The following NSL1 variants were observed in gnomAD, a reference collection of about 807,000 sequenced individuals.
NSL1 encodes the protein kinetochore-associated protein NSL1 homolog.
Under a neutral mutation model 25.4 loss-of-function variants are expected in NSL1, and 11 were observed. The ratio of observed to expected loss-of-function variants is 0.43; its 90% CI spans 0.27 to 0.72. The LOEUF is 0.72. Among genes scored for constraint, NSL1 ranks in the 30% least tolerant of loss-of-function variants. The pLI is 0.19. For synonymous variants in NSL1, 118 were observed against 120.6 expected (o/e 0.98, Z 0.14); for missense variants, 330 against 342.7 (o/e 0.96, Z 0.29).
chr1:212,791,481 T>A, intron 1 of NSL1, 49 bp downstream of exon 1: 1 of 1,501,940 alleles, frequency 6.7e-7, no homozygotes, highest in Non-Finnish European at 9.2e-7. Flanking sequence ...AGATCCTGGG[T>A]GTTGGGTAAG....
chr1:212,768,433 G>A, intron 4 of NSL1, among the ~76,000 whole-genome samples: 1 of 150,968 alleles, frequency 6.6e-6, no homozygotes, highest in East Asian at 1.9e-4. Flanking sequence ...AAAGAGACAT[G>A]CACACACATG....
At chr1:212,766,479 T>C (rs569136521) in intron 4 of NSL1, among the ~76,000 whole-genome samples, 1 of 151,552 alleles carries the variant, frequency 6.6e-6, no homozygotes, top group African/African-American at 2.4e-5. Context: ...CTGTCTCTAC[T>C]AAATATACAA....
At chr1:212,749,772 C>T (rs183180924) in intron 4 of NSL1, among the ~76,000 whole-genome samples, 2 of 151,912 alleles carry the variant, frequency 1.3e-5, no homozygotes, top group East Asian at 1.9e-4. Flanking sequence ...TGTTTTCTAT[C>T]GGTTGCACAA....
At chr1:212,778,372 C>T (rs951987972) in intron 4 of NSL1, among the ~76,000 whole-genome samples, 11 of 152,146 alleles carry the variant, frequency 7.2e-5, no homozygotes, top group African/African-American at 2.7e-4. Context: ...ACAGACAACC[C>T]TCTTTAAAAG....
intron 4 of NSL1, among the ~76,000 whole-genome samples, chr1:212,763,839 C>T (rs188865236): frequency 2.6e-5 from 4 of 152,226 alleles, no homozygotes; most frequent in Non-Finnish European, 5.9e-5. Context: ...TAGTGTGGGA[C>T]TTCAATACTC....
chr1:212,741,188 T>C (rs140622061), intron 4 of NSL1, among the ~76,000 whole-genome samples: 1 of 152,194 alleles, frequency 6.6e-6, no homozygotes, highest in Non-Finnish European at 1.5e-5. Flanking sequence ...ATAACAATTG[T>C]TAAATTTTCT....
At chr1:212,788,577 A>AT (rs1280202682) in intron 1 of NSL1, among the ~76,000 whole-genome samples, 2 of 152,154 alleles carry the variant, frequency 1.3e-5, no homozygotes, top group Non-Finnish European at 2.9e-5. Context: ...CTTCATCAAA[A>AT]TTTTTTTTAA....
At chr1:212,764,352 C>T (rs1051544803) in intron 4 of NSL1, among the ~76,000 whole-genome samples, 3 of 152,218 alleles carry the variant, frequency 2.0e-5, no homozygotes, top group African/African-American at 7.2e-5. Context: ...TTTAATGTCA[C>T]ATCACAAAGA....
chr1:212,772,681 AAAG>A lies in NSL1; in HGVS notation c.499+9688_499+9690del, dbSNP rs559306122. 4.4e-4 allele frequency among the ~76,000 whole-genome samples: 65 copies of A among 147,690 alleles called. No homozygotes were observed. In the South Asian group the frequency reaches 0.013, roughly 29 times the overall value. On this transcript the variant is annotated intron_variant, in intron 4 of 5. Transcript: ENST00000366977. ...GACAGAGTGAGACATTGTCTCAAAA[AAAG>A]AAAAAAAGAAAGAAAGAAACCCTAA...
intron 4 of NSL1, among the ~76,000 whole-genome samples, chr1:212,752,944 A>C (rs1659135288): frequency 1.3e-5 from 2 of 151,220 alleles, no homozygotes; most frequent in Admixed American, 1.3e-4. Flanking sequence ...AATGTATTTT[A>C]TGAATATAAA....
At position 212,727,695 on chromosome 1, in the gene NSL1, A is replaced by C. The variant is rs994092710; in HGVS notation, c.*10713T>G. On this transcript the variant is annotated 3_prime_UTR_variant, in exon 6 of 6. Coordinates refer to ENST00000366977, the MANE Select transcript of NSL1 (RefSeq NM_015471.4). ...CAGGACTGTTAGCTTCCCACGATGAAAGAATGACTAGCTATGATGATTTAT... is the reference window on the plus strand; with the variant it reads ...CAGGACTGTTAGCTTCCCACGATGACAGAATGACTAGCTATGATGATTTAT... 3.0e-6 allele frequency: 3 copies of C among 985,104 alleles called. No homozygotes were observed. The highest frequency in any genetic ancestry group is 3.6e-6 in the Non-Finnish European group (3 of 829,720). 61.0% of individuals were successfully genotyped at this position (985,104 alleles called of 1,614,324 possible).
chr1:212,783,833 T>TGAAG (rs1339805498), intron 3 of NSL1, among the ~76,000 whole-genome samples: 1 of 152,206 alleles, frequency 6.6e-6, no homozygotes, highest in Non-Finnish European at 1.5e-5. Context: ...AAGCTCGTGC[T>TGAAG]GAAGGAGCTG....
Position 212,743,165 on chromosome 1 carries a change from T to G in NSL1, c.500-3564A>C, listed in dbSNP as rs567491572. Among the ~76,000 whole-genome samples, 11 of 151,424 alleles carry G rather than the reference T, an allele frequency of 7.3e-5. No individual in the cohort carries two copies. In the East Asian group the frequency reaches 7.7e-4, roughly 11 times the overall value. On this transcript the variant is annotated intron_variant, in intron 4 of 5. Transcript: ENST00000366977. Reference sequence around the variant, plus strand: ...CTGCAAAGATTTTTGTTTACTTTGGTTTTTTTTTCTTTTTTTTTGAGATGG... The same window carrying G: ...CTGCAAAGATTTTTGTTTACTTTGGGTTTTTTTTCTTTTTTTTTGAGATGG...
At chr1:212,746,165 CT>C (rs1658784566) in intron 4 of NSL1, among the ~76,000 whole-genome samples, 2 of 152,222 alleles carry the variant, frequency 1.3e-5, no homozygotes, top group Admixed American at 1.3e-4. Context: ...GTGACGTCTC[CT>C]TTTTTTCTAC....
chr1:212,769,078 A>AT (rs915883019), intron 4 of NSL1, among the ~76,000 whole-genome samples: 7 of 148,488 alleles, frequency 4.7e-5, no homozygotes, highest in African/African-American at 1.7e-4. Context: ...TGGAGGAGGA[A>AT]TAAAAAAAAA....
chr1:212,789,118 A>G (rs954719594), intron 1 of NSL1, among the ~76,000 whole-genome samples: 4 of 152,238 alleles, frequency 2.6e-5, no homozygotes, highest in Non-Finnish European at 5.9e-5. Context: ...TAAAAATAAC[A>G]TAAACCAAAT....
rs540511110 is a variant in NSL1 at position 212,765,759 on chromosome 1, C to A, written c.499+16613G>T. On this transcript the variant is annotated intron_variant, in intron 4 of 5. Coordinates refer to ENST00000366977, the MANE Select transcript of NSL1 (RefSeq NM_015471.4). The stretch of plus-strand genomic sequence containing the variant: ...AAGTGGAGGCTGCAGTGAGCCAGAT[C>A]GCACCACTGCATTCCAGTCTGGGAA... 7.3e-5 allele frequency among the ~76,000 whole-genome samples: 11 copies of A among 151,546 alleles called. No homozygotes were observed. The South Asian group carries it at 1.0e-3, about 14-fold the overall frequency.
chr1:212,741,333 G>A (rs889245730), intron 4 of NSL1, among the ~76,000 whole-genome samples: 8 of 152,198 alleles, frequency 5.3e-5, no homozygotes, highest in African/African-American at 1.9e-4. Flanking sequence ...CATTTATGAT[G>A]TATCTTCCAT....
rs943629770 is a variant in NSL1 at position 212,729,149 on chromosome 1, C to G, written c.*9259G>C. On this transcript the variant is annotated 3_prime_UTR_variant, in exon 6 of 6. Transcript: ENST00000366977. ...TTCCATCGTAGTTTCTAAAACCAGACAAAATCATTTCTTGCAAGCAGGTAA... is the reference window on the plus strand; with the variant it reads ...TTCCATCGTAGTTTCTAAAACCAGAGAAAATCATTTCTTGCAAGCAGGTAA... The G allele has an allele frequency of 7.8e-5, 77 of 985,298 alleles. No individual in the cohort carries two copies. Among genetic ancestry groups the G allele is most frequent in the Admixed American group, 3.1e-4 (5 of 16,258 alleles). The allele number at this position is 985,298 out of a possible 1,614,324, so 61.0% of individuals were successfully genotyped here.
Sources: gnomAD v4.1 joint callset for allele counts (sites outside exome capture counted in the v4.1 genomes callset) on GRCh38, gnomAD v4.1.1 for gene constraint, MANE v1.5 for transcripts, NCBI Gene and HGNC (gene_info 2026-07-23, HGNC 2026-07-21) for gene names.